The following EVC variants were observed in gnomAD, a reference collection of about 807,000 sequenced individuals.
The protein encoded by EVC is evC complex member EVC.
Under a neutral mutation model 118.9 loss-of-function variants are expected in EVC, and 116 were observed. The ratio of observed to expected loss-of-function variants is 0.98; its 90% confidence interval spans 0.84 to 1.14. EVC has a LOEUF of 1.14. EVC is among the 50% of genes most tolerant of loss of function. The probability of loss-of-function intolerance (pLI) is 0.00; values close to 1 mark genes in which losing one functional copy is unlikely to be tolerated. For missense variants in EVC, 1,401 were observed against 1,246.4 expected (o/e 1.12, Z -1.87); for synonymous variants, 619 against 534.7 (o/e 1.16, Z -2.18).
intron 1 of EVC, among the ~76,000 whole-genome samples, chr4:5,716,833 A>G (rs960003602): frequency 6.6e-5 from 10 of 152,106 alleles, no homozygotes; most frequent in Non-Finnish European, 1.2e-4. Context: ...CATAATTTCC[A>G]TGGTTGCTGT....
chr4:5,760,532 A>G (rs1314738304), intron 11 of EVC, among the ~76,000 whole-genome samples: 2 of 152,002 alleles, frequency 1.3e-5, no homozygotes, highest in Admixed American at 1.3e-4. Flanking sequence ...AATTCTCCAC[A>G]TCTGTGTGGG....
chr4:5,754,022 TC>T lies in EVC; in HGVS notation c.1464+90del. 1 of 1,555,436 alleles carries T rather than the reference TC, an allele frequency of 6.4e-7. No homozygotes were observed. The highest frequency in any genetic ancestry group is 8.8e-7 in the Non-Finnish European group (1 of 1,131,622). ...GAGCACGGGACGCCGGAGGTATTCA[TC>T]AGGCATGAGGTTATCTGCCTACTTC... On this transcript the variant is annotated intron_variant, in intron 10 of 20. Coordinates refer to ENST00000264956, the MANE Select transcript of EVC (RefSeq NM_153717.3). The surrounding 1 kb of genome is among the most constrained non-coding windows in gnomAD (Gnocchi z 5.8).
chr4:5,722,011 G>A (rs1326838715), intron 2 of EVC, among the ~76,000 whole-genome samples: 7 of 152,156 alleles, frequency 4.6e-5, no homozygotes, highest in African/African-American at 1.7e-4. Context: ...CACACATAGG[G>A]TACCCTTGAA....
At chr4:5,803,057 C>T (rs1364658515) in intron 16 of EVC, among the ~76,000 whole-genome samples, 1 of 152,210 alleles carries the variant, frequency 6.6e-6, no homozygotes, top group African/African-American at 2.4e-5. Flanking sequence ...CAAGAATTTT[C>T]CCGCATGGGC....
intron 9 of EVC, among the ~76,000 whole-genome samples, chr4:5,753,274 G>A (rs1341638296): frequency 6.6e-6 from 1 of 152,228 alleles, no homozygotes; most frequent in Non-Finnish European, 1.5e-5. Flanking sequence ...CAGGGCAGGG[G>A]TCACCTGCTG....
At chr4:5,714,838 T>A (rs1278840747) in intron 1 of EVC, among the ~76,000 whole-genome samples, 1 of 152,182 alleles carries the variant, frequency 6.6e-6, no homozygotes, top group Non-Finnish European at 1.5e-5. Context: ...AGGGTCTCAC[T>A]TGATTGCCCA....
chr4:5,737,645 A>G lies in EVC; in HGVS notation c.703-4071A>G, dbSNP rs186512393. ...GCTAAATCTACTCTGCCTGTGCTCT[A>G]TAAGTGGAACAACAAAGCCTGGATC... On this transcript the variant is annotated intron_variant, in intron 5 of 20. Coordinates refer to ENST00000264956, the MANE Select transcript of EVC (RefSeq NM_153717.3). The surrounding 1 kb of genome is among the most constrained non-coding windows in gnomAD (Gnocchi z 5.0). Among the ~76,000 whole-genome samples the G allele has an allele frequency of 3.0e-4, 46 of 152,368 alleles. No homozygotes were observed. The highest frequency in any genetic ancestry group is 1.3e-3 in the Admixed American group (20 of 15,312).
At chr4:5,792,977 C>T (rs1197485092) in intron 12 of EVC, among the ~76,000 whole-genome samples, 2 of 152,164 alleles carry the variant, frequency 1.3e-5, no homozygotes, top group Admixed American at 6.5e-5. Flanking sequence ...CCAAATTGAT[C>T]TGTAAAATCA....
At chr4:5,799,874 A>G (rs1376656303) in intron 15 of EVC, among the ~76,000 whole-genome samples, 1 of 152,296 alleles carries the variant, frequency 6.6e-6, no homozygotes, top group East Asian at 1.9e-4. Flanking sequence ...GGCTGGTGAT[A>G]TTGGGAATGT....
rs1323180686 is a variant in EVC at position 5,743,385 on chromosome 4, CT to C, written c.801+1572del. 2.0e-5 allele frequency among the ~76,000 whole-genome samples: 3 copies of C among 152,160 alleles called. No homozygotes were observed. The highest frequency in any genetic ancestry group is 4.8e-5 in the African/African-American group (2 of 41,438). The stretch of plus-strand genomic sequence containing the variant: ...TCACCAGCCTCTTATTCATCATCCC[CT>C]GCCATCATTTTCATTATCATCATCA... On this transcript the variant is annotated intron_variant, in intron 6 of 20. Coordinates refer to ENST00000264956, the MANE Select transcript of EVC (RefSeq NM_153717.3). The surrounding 1 kb of genome is among the most constrained non-coding windows in gnomAD (Gnocchi z 4.7).
In EVC at chr4:5,711,609, T is replaced by TGGGTC. The variant is rs1577298231; in HGVS notation, c.174+56_174+60dup. ...CGGGGAGCGCGGGGCGCGTGGCTTC[T>TGGGTC]GGGTCCTGCGGGCCCGGAGCCCCGG... is the stretch of plus-strand genomic sequence containing the variant. On this transcript the variant is annotated intron_variant, in intron 1 of 20. Transcript: ENST00000264956. 2.6e-5 allele frequency: 30 copies of TGGGTC among 1,141,700 alleles called. No homozygotes were observed. The East Asian group carries it at 1.2e-3, about 45-fold the overall frequency. 70.7% of individuals were successfully genotyped at this position (1,141,700 alleles called of 1,614,324 possible).
chr4:5,781,603 A>G (rs1302445921), intron 11 of EVC, among the ~76,000 whole-genome samples: 4 of 152,146 alleles, frequency 2.6e-5, no homozygotes, highest in Middle Eastern at 3.2e-3. Context: ...TTGGGAGGTC[A>G]AGGCAGGCAG....
intron 16 of EVC, 72 bp from the exon 17 acceptor site, chr4:5,804,658 G>A: frequency 7.4e-7 from 1 of 1,357,162 alleles, no homozygotes; most frequent in South Asian, 1.2e-5. Flanking sequence ...CTGCACCCCA[G>A]CACCTGCCCC....
rs1490178041 is a variant in EVC at position 5,797,175 on chromosome 4, G to A, written c.2040G>A (p.Leu680=). ...AGGAGCTGCGGGAACAGCGTGCACT[G>A]GAGCAGGGGTCCTCCCAGTGCCTGG... is the stretch of plus-strand genomic sequence containing the variant. ...LLQELREQRA[L]EQGSSQCLDE... The change falls in exon 14 of 21, where the codon CTG becomes CTA. Residue 680 remains leucine (L), a synonymous_variant. Transcript: ENST00000264956. The A allele has an allele frequency of 2.5e-6, 4 of 1,613,336 alleles. No homozygotes were observed. The African/African-American group carries it at 5.3e-5, about 22-fold the overall frequency.
Position 5,719,160 on chromosome 4 carries a change from G to T in EVC, c.175-88G>T. ...AAGTGGCTGCTGGACTGGGGGAGTTGACTGGCAAAAGTCACGGTGGGGACC... is the reference window on the plus strand; with the variant it reads ...AAGTGGCTGCTGGACTGGGGGAGTTTACTGGCAAAAGTCACGGTGGGGACC... On this transcript the variant is annotated intron_variant, in intron 1 of 20. Coordinates refer to ENST00000264956, the MANE Select transcript of EVC (RefSeq NM_153717.3). This position sits in a 1 kb window ranked among gnomAD's most constrained non-coding sequence, Gnocchi z 4.7. 6.4e-7 allele frequency: 1 copy of T among 1,571,046 alleles called. No homozygotes were observed. The highest frequency in any genetic ancestry group is 1.1e-5 in the South Asian group (1 of 89,826).
At position 5,768,346 on chromosome 4, in the gene EVC, G is replaced by C. The variant is rs558739041; in HGVS notation, c.1563+11984G>C. Among the ~76,000 whole-genome samples the C allele has an allele frequency of 2.6e-5, 4 of 152,270 alleles. No homozygotes were observed. The East Asian group carries it at 7.7e-4, about 29-fold the overall frequency. On this transcript the variant is annotated intron_variant, in intron 11 of 20. Transcript: ENST00000264956. ...CTGTAGGGGCAGAGGCAGAAGCAGGGAGCCCTGGTAGGAGACTGCTGTGGC... is the reference window on the plus strand; with the variant it reads ...CTGTAGGGGCAGAGGCAGAAGCAGGCAGCCCTGGTAGGAGACTGCTGTGGC...
chr4:5,789,577 T>G lies in EVC; in HGVS notation c.1777-4031T>G, dbSNP rs1406772770. On this transcript the variant is annotated intron_variant, in intron 12 of 20. Transcript: ENST00000264956. This position sits in a 1 kb window ranked among gnomAD's most constrained non-coding sequence, Gnocchi z 4.3. The stretch of plus-strand genomic sequence containing the variant: ...CACATGCTAGGCATCAATCAATAGA[T>G]CTTTCCCTTTCTCCCCATAATACAT... Among the ~76,000 whole-genome samples, 6 of 152,182 alleles carry G rather than the reference T, an allele frequency of 3.9e-5. No individual in the cohort carries two copies. The East Asian group carries it at 7.7e-4, about 20-fold the overall frequency.
the EVC span, chr4:5,825,285 T>C: frequency 1.0e-6 from 1 of 985,164 alleles, no homozygotes; most frequent in Non-Finnish European, 1.2e-6. This position sits in a 1 kb window ranked among gnomAD's most constrained non-coding sequence, Gnocchi z 4.4. Flanking sequence ...ACCACCATGT[T>C]GCCCCCCTAA....
At position 5,811,028 on chromosome 4, in the gene EVC, C is replaced by A. The variant is rs1716842535; in HGVS notation, c.2970C>A (p.Ser990Arg). The A allele has an allele frequency of 6.2e-7, 1 of 1,611,360 alleles. No individual in the cohort carries two copies. The highest frequency in any genetic ancestry group is 2.2e-5 in the East Asian group (1 of 44,730). Residue 990 changes from serine (S) to arginine (R), a missense_variant, in exon 21 of 21, where the codon AGC becomes AGA. Transcript: ENST00000264956. ...GNSKKMLKRR[S>R]NL ...CAAAGAAGATGCTAAAGAGAAGAAG[C>A]AACTTGTAGTTTAAGACCAGTCGGT...
Sources: allele counts gnomAD v4.1 joint callset (sites outside exome capture counted in the v4.1 genomes callset), GRCh38; gene constraint gnomAD v4.1.1; non-coding constraint Gnocchi (gnomAD v3.1); transcripts MANE v1.5; gene names NCBI Gene and HGNC (gene_info 2026-07-23, HGNC 2026-07-21).